The following SQLE variants were observed in gnomAD, a reference collection of about 807,000 sequenced individuals.
The protein encoded by SQLE is squalene monooxygenase.
In SQLE, 29 loss-of-function variants were observed where a neutral mutation model predicts 60.7. The ratio of observed to expected loss-of-function variants is 0.48; its 90% CI spans 0.36 to 0.65. The LOEUF (loss-of-function observed/expected upper bound fraction) is 0.65. Among genes scored for constraint, SQLE ranks in the 30% least tolerant of loss-of-function variants. The pLI is 0.00. For missense variants in SQLE, 605 were observed against 684.1 expected (o/e 0.88, Z 1.29); for synonymous variants, 237 against 246.8 (o/e 0.96, Z 0.37).
chr8:125,018,000 C>CT, intron 7 of SQLE, 59 bp from the exon 8 acceptor site: 4 of 1,544,444 alleles, frequency 2.6e-6, no homozygotes, highest in Admixed American at 3.9e-5. Context: ...TTGAGTTATC[C>CT]TTTTTGTTTT....
In SQLE at chr8:125,021,965, GTGAA is replaced by G. The variant is rs1815216161; in HGVS notation, c.*26_*29del. Reference sequence around the variant, plus strand: ...CATTAAGCTTAAAGGGGAACCATTTGTGAATGAATATTTGGAACTTACCAAGTCC... The same window carrying G: ...CATTAAGCTTAAAGGGGAACCATTTGTGAATATTTGGAACTTACCAAGTCC... On this transcript the variant is annotated 3_prime_UTR_variant, in exon 11 of 11. Transcript: ENST00000265896. 6.4e-7 allele frequency: 1 copy of G among 1,551,838 alleles called. No homozygotes were observed. Among genetic ancestry groups the G allele is most frequent in the Non-Finnish European group, 8.8e-7 (1 of 1,142,018 alleles).
In SQLE at chr8:125,003,280, C is replaced by T. The variant is rs770862921; in HGVS notation, c.396C>T (p.Gly132=). 57 of 1,613,792 alleles carry T rather than the reference C, an allele frequency of 3.5e-5. 2 individuals carry two copies. Among genetic ancestry groups the T allele is most frequent in the South Asian group, 3.0e-4 (27 of 91,084 alleles). Residue 132 remains glycine, a synonymous_variant, in exon 2 of 11, where the codon GGC becomes GGT. Transcript: ENST00000265896. ...CAGAAGTTATCATCGTGGGAGCTGGCGTGCTTGGCTCTGCTTTGGCAGCTG... is the reference window on the plus strand; with the variant it reads ...CAGAAGTTATCATCGTGGGAGCTGGTGTGCTTGGCTCTGCTTTGGCAGCTG... ...NDPEVIIVGA[G]VLGSALAAVL... is the part of the protein sequence containing the mutation.
rs749808541 is a variant in SQLE at position 125,005,509 on chromosome 8, C to G, written c.545-16C>G. The stretch of plus-strand genomic sequence containing the variant: ...TGTTAACAGAATTGATTGTTTTGAA[C>G]TCGATTGCTTTGCAGATACAGTGGA... On this transcript the variant is annotated splice_polypyrimidine_tract_variant and intron_variant, in intron 2 of 10. Transcript: ENST00000265896. 1 of 1,550,418 alleles carries G rather than the reference C, an allele frequency of 6.4e-7. No homozygotes were observed. Among genetic ancestry groups the G allele is most frequent in the Admixed American group, 1.8e-5 (1 of 54,414 alleles).
chr8:125,017,767 A>G (rs1474046185), intron 7 of SQLE, among the ~76,000 whole-genome samples: 2 of 152,190 alleles, frequency 1.3e-5, no homozygotes, highest in South Asian at 2.1e-4. Flanking sequence ...TTACAAATGT[A>G]TTGACATTAT....
intron 4 of SQLE, 102 bp downstream of exon 4, chr8:125,007,589 A>C (rs1303837485): frequency 1.5e-6 from 1 of 666,722 alleles, no homozygotes; most frequent in East Asian, 2.9e-5. Context: ...CATGTTGAGT[A>C]TCTCTTATCT....
Position 125,009,165 on chromosome 8 carries a change from G to T in SQLE, c.937-7G>T, listed in dbSNP as rs2129889286. The T allele has an allele frequency of 6.3e-7, 1 of 1,583,906 alleles. No homozygotes were observed. The highest frequency in any genetic ancestry group is 8.6e-7 in the Non-Finnish European group (1 of 1,168,522). ...TTATTAAAACATTTTCTTTTTATTT[G>T]TTTTAGAATGCACCACAGTTTAAAG... On this transcript the variant is annotated splice_polypyrimidine_tract_variant and splice_region_variant and intron_variant, in intron 5 of 10. Coordinates refer to ENST00000265896, the MANE Select transcript of SQLE (RefSeq NM_003129.4).
At position 124,999,514 on chromosome 8, in the gene SQLE, G is replaced by A; in HGVS notation, c.111G>A (p.Ser37=). The A allele has an allele frequency of 6.2e-7, 1 of 1,610,434 alleles. No individual in the cohort carries two copies. Among genetic ancestry groups the A allele is most frequent in the Non-Finnish European group, 8.5e-7 (1 of 1,178,060 alleles). The part of the protein sequence containing the change: ...EVLLCVLVFL[S]LGLVLSYRCR... Reference sequence around the variant, plus strand: ...TGTTGTGCGTGCTGGTGTTCCTCTCGCTGGGCCTGGTGCTCTCCTACCGCT... The same window carrying A: ...TGTTGTGCGTGCTGGTGTTCCTCTCACTGGGCCTGGTGCTCTCCTACCGCT... The change falls in exon 1 of 11, where the codon TCG becomes TCA. Residue 37 remains serine (S), a synonymous_variant. Coordinates refer to ENST00000265896, the MANE Select transcript of SQLE (RefSeq NM_003129.4).
chr8:125,009,546 A>C (rs999900985), intron 6 of SQLE, among the ~76,000 whole-genome samples: 20 of 152,210 alleles, frequency 1.3e-4, no homozygotes, highest in Non-Finnish European at 2.6e-4. Context: ...CTGTAATCCC[A>C]CCACTTTGGG....
At chr8:125,012,126 G>A (rs1332299241) in intron 7 of SQLE, among the ~76,000 whole-genome samples, 3 of 152,030 alleles carry the variant, frequency 2.0e-5, no homozygotes, top group Non-Finnish European at 4.4e-5. Context: ...GATGAGAAAT[G>A]GTGGCACTTT....
Position 124,999,042 on chromosome 8 carries a change from A to C in SQLE, c.-362A>C, listed in dbSNP as rs1056432126. 1 of 276,898 alleles carries C rather than the reference A, an allele frequency of 3.6e-6. No homozygotes were observed. The highest frequency in any genetic ancestry group is 2.2e-5 in the African/African-American group (1 of 46,084). 17.2% of individuals were successfully genotyped at this position (276,898 alleles called of 1,614,324 possible). ...AAAAGAAATTATAGCACGAAGAGCC[A>C]GTATCAGAAGAGTATCCATCACCCG... On this transcript the variant is annotated 5_prime_UTR_variant, in exon 1 of 11. Transcript: ENST00000265896.
At chr8:124,999,864 T>G in intron 1 of SQLE, 170 bp downstream of exon 1, 2 of 861,952 alleles carry the variant, frequency 2.3e-6, no homozygotes, top group Non-Finnish European at 3.6e-6. Context: ...ATCTTTGACC[T>G]TCTTAAGAAT....
chr8:125,011,286 C>A, intron 6 of SQLE: 1 of 261,942 alleles, frequency 3.8e-6, no homozygotes, highest in Non-Finnish European at 7.1e-6. Flanking sequence ...ATTGTTTTTT[C>A]ATTCAGTTGT....
chr8:125,000,697 G>T (rs1814829961), intron 1 of SQLE, among the ~76,000 whole-genome samples: 1 of 151,734 alleles, frequency 6.6e-6, no homozygotes. Flanking sequence ...TAAGTGATCC[G>T]CCTGCCTCAG....
In SQLE at chr8:125,018,080, C is replaced by T. The variant is rs1425926080; in HGVS notation, c.1226C>T (p.Ala409Val). ...ATAGGTGTTCTTCTTTTGGGAGACG[C>T]ATATAATATGAGGCATCCACTTACT... is the stretch of plus-strand genomic sequence containing the variant. ...KKRGVLLLGD[A>V]YNMRHPLTGG... Residue 409 changes from alanine (A) to valine (V), a missense_variant, in exon 8 of 11, where the codon GCA (alanine) becomes GTA (valine). Coordinates refer to ENST00000265896, the MANE Select transcript of SQLE (RefSeq NM_003129.4). The T allele has an allele frequency of 6.2e-7, 1 of 1,613,696 alleles. No homozygotes were observed. Among genetic ancestry groups the T allele is most frequent in the South Asian group, 1.1e-5 (1 of 91,054 alleles).
At chr8:125,012,137 C>G (rs1015523531) in intron 7 of SQLE, among the ~76,000 whole-genome samples, 9 of 152,112 alleles carry the variant, frequency 5.9e-5, no homozygotes, top group African/African-American at 2.2e-4. Context: ...GTGGCACTTT[C>G]AAGGAACTCA....
At chr8:125,007,336 A>T in intron 3 of SQLE, 55 bp from the exon 4 acceptor site, 1 of 1,322,494 alleles carries the variant, frequency 7.6e-7, no homozygotes, top group Non-Finnish European at 1.0e-6. Context: ...ATTTATATTT[A>T]ATTTAAATTG....
intron 2 of SQLE, among the ~76,000 whole-genome samples, chr8:125,004,999 G>A (rs554192262): frequency 4.9e-4 from 74 of 152,236 alleles, no homozygotes; most frequent in African/African-American, 1.8e-3. Context: ...TTAATGGATA[G>A]TATGTAATCA....
chr8:125,020,848 G>T lies in SQLE; in HGVS notation c.1509G>T (p.Ala503=), dbSNP rs182080432. Residue 503 remains alanine, a synonymous_variant, in exon 10 of 11, where the codon GCG becomes GCT. Coordinates refer to ENST00000265896, the MANE Select transcript of SQLE (RefSeq NM_003129.4). ...TCAAACTTGGTGGCGAATGTGTTGC[G>T]GGTCCTGTTGGGCTGCTTTCTGTGT... ...LYFKLGGECV[A]GPVGLLSVLS... 8,936 of 1,613,176 alleles carry T rather than the reference G, an allele frequency of 5.5e-3. 48 individuals carry two copies. Among genetic ancestry groups the T allele is most frequent in the Non-Finnish European group, 5.7e-3 (6,707 of 1,179,388 alleles).
intron 1 of SQLE, among the ~76,000 whole-genome samples, chr8:125,002,118 C>A (rs928173235): frequency 6.6e-6 from 1 of 152,032 alleles, no homozygotes; most frequent in South Asian, 2.1e-4. Context: ...ACCTCTTTGA[C>A]TAGGATCTCT....
Sources: gnomAD v4.1 joint callset for allele counts (sites outside exome capture counted in the v4.1 genomes callset) on GRCh38, gnomAD v4.1.1 for gene constraint, MANE v1.5 for transcripts, NCBI Gene and HGNC (gene_info 2026-07-23, HGNC 2026-07-21) for gene names.